The following DENND4C variants were observed in gnomAD, a reference collection of about 807,000 sequenced individuals.
DENND4C encodes the protein DENN domain containing 4C, also known as DENN domain-containing protein 4C.
In DENND4C, 108 loss-of-function variants were observed where a neutral mutation model predicts 203.0. The observed-to-expected ratio is 0.53, with a 90% CI of 0.46 to 0.62. The LOEUF (loss-of-function observed/expected upper bound fraction) is 0.62, where lower values mean the gene tolerates loss of function less well. Ranked by LOEUF, DENND4C falls within the 20% of genes least tolerant of loss-of-function variation. DENND4C has a pLI of 0.00. For missense variants in DENND4C, 2,481 were observed against 2,301.2 expected (o/e 1.08, Z -1.60); for synonymous variants, 871 against 792.4 (o/e 1.10, Z -1.67).
In DENND4C at chr9:19,342,774, G is replaced by A. The variant is rs760221882; in HGVS notation, c.3146G>A (p.Ser1049Asn). 2.9e-5 allele frequency: 47 copies of A among 1,600,318 alleles called. No individual in the cohort carries two copies. The East Asian group carries it at 9.9e-4, about 34-fold the overall frequency. Residue 1049 changes from serine to asparagine, a missense_variant, in exon 22 of 33, where the codon AGC (serine) becomes AAC (asparagine). Ser to Asn is a conservative substitution (Grantham distance 46). This residue lies in a region of DENND4C where 2,289 missense variants were observed against 2,113.3 expected (regional missense o/e 1.08). Transcript: ENST00000434457. ...GIFDVNSRKS[S>N]TGSISNVLFS... ...TTTGATGTCAACAGCAGGAAAAGTA[G>A]CACTGGTGAGTCTTTACATTTTGGT...
intron 2 of DENND4C, among the ~76,000 whole-genome samples, chr9:19,282,260 A>AT (rs1456533901): frequency 1.1e-4 from 16 of 151,274 alleles, no homozygotes; most frequent in Non-Finnish European, 2.2e-4. Flanking sequence ...TTATTCTTTT[A>AT]TTTTTTATTT....
At chr9:19,355,337 T>G (rs1588978184) in intron 26 of DENND4C, among the ~76,000 whole-genome samples, 1 of 152,350 alleles carries the variant, frequency 6.6e-6, no homozygotes, top group African/African-American at 2.4e-5. Flanking sequence ...CAATTTGTGC[T>G]TTTGGAATCT....
chr9:19,274,531 G>A (rs1032401769), intron 1 of DENND4C, among the ~76,000 whole-genome samples: 2 of 152,166 alleles, frequency 1.3e-5, no homozygotes, highest in African/African-American at 4.8e-5. Context: ...CCAACCTCAG[G>A]TGTTGCACCC....
At position 19,361,907 on chromosome 9, in the gene DENND4C, A is replaced by G; in HGVS notation, c.5468A>G (p.Asn1823Ser). The G allele has an allele frequency of 1.2e-6, 2 of 1,612,932 alleles. No individual in the cohort carries two copies. The highest frequency in any genetic ancestry group is 8.5e-7 in the Non-Finnish European group (1 of 1,178,976). The change falls in exon 30 of 33, where the codon AAT (asparagine) becomes AGT (serine). Residue 1823 changes from asparagine to serine, a missense_variant. Asn to Ser is a conservative substitution (Grantham distance 46). This residue lies in a region of DENND4C where 2,289 missense variants were observed against 2,113.3 expected (regional missense o/e 1.08). Transcript: ENST00000434457. Reference protein sequence around the residue: ...KLVYIQLLWDNINLHQEPREP... With the variant: ...KLVYIQLLWDSINLHQEPREP... ...GTGTATATTCAGCTGTTATGGGATA[A>G]TATCAACCTTCATCAGGAACCAAGA...
intron 9 of DENND4C, among the ~76,000 whole-genome samples, chr9:19,303,838 C>G (rs1387936604): frequency 6.6e-6 from 1 of 151,838 alleles, no homozygotes; most frequent in African/African-American, 2.4e-5. Context: ...AATTTTAGTA[C>G]TAGCTAATTA....
chr9:19,295,872 G>T, intron 5 of DENND4C, 136 bp from the exon 6 acceptor site: 2 of 636,792 alleles, frequency 3.1e-6, no homozygotes, highest in Admixed American at 3.2e-5. Context: ...ACAGAAATTT[G>T]GGTGAGATTT....
At chr9:19,304,287 C>G (rs546604099) in intron 9 of DENND4C, among the ~76,000 whole-genome samples, 1 of 150,596 alleles carries the variant, frequency 6.6e-6, no homozygotes, top group Non-Finnish European at 1.5e-5. Flanking sequence ...CGGGTTCAAG[C>G]GATTCTCCTG....
intron 28 of DENND4C, 72 bp from the exon 29 acceptor site, chr9:19,360,172 C>G: frequency 2.8e-6 from 4 of 1,452,446 alleles, no homozygotes; most frequent in Middle Eastern, 1.8e-4. Context: ...GAGGCATTAT[C>G]TCATTGAGAA....
At chr9:19,306,039 A>G (rs1839584961) in intron 10 of DENND4C, among the ~76,000 whole-genome samples, 1 of 152,346 alleles carries the variant, frequency 6.6e-6, no homozygotes, top group African/African-American at 2.4e-5. Context: ...GCTGAAGGTG[A>G]TAATTAAGTA....
intron 30 of DENND4C, among the ~76,000 whole-genome samples, chr9:19,367,885 T>C (rs1279663400): frequency 6.6e-6 from 1 of 152,206 alleles, no homozygotes; most frequent in Non-Finnish European, 1.5e-5. Flanking sequence ...GAGAAACCAG[T>C]TGTGAAGGAG....
chr9:19,294,484 C>G (rs181365479), intron 5 of DENND4C, among the ~76,000 whole-genome samples: 45 of 152,170 alleles, frequency 3.0e-4, no homozygotes, highest in Admixed American at 2.0e-3. Context: ...GGCAGCTCCT[C>G]CAAAAGTTAA....
At chr9:19,360,181 A>G (rs1826168229) in intron 28 of DENND4C, 63 bp from the exon 29 acceptor site, 1 of 1,508,204 alleles carries the variant, frequency 6.6e-7, no homozygotes, top group Admixed American at 1.9e-5. Context: ...TCTCATTGAG[A>G]AGTGCTCTTG....
At position 19,314,404 on chromosome 9, in the gene DENND4C, A is replaced by G. The variant is rs1263186278; in HGVS notation, c.1488-2013A>G. Among the ~76,000 whole-genome samples the G allele has an allele frequency of 2.0e-5, 3 of 152,076 alleles. No homozygotes were observed. In the East Asian group the frequency reaches 5.8e-4, roughly 29 times the overall value. On this transcript the variant is annotated intron_variant, in intron 10 of 32. Coordinates refer to ENST00000434457, the MANE Select transcript of DENND4C (RefSeq NM_001330640.2). ...GGGAGGTGGAGGTTGCAGTGAGCCAAGATCGCACCTCTGCACTCCAGCCTG... is the reference window on the plus strand; with the variant it reads ...GGGAGGTGGAGGTTGCAGTGAGCCAGGATCGCACCTCTGCACTCCAGCCTG...
At chr9:19,296,635 G>T (rs1837531492) in intron 6 of DENND4C, among the ~76,000 whole-genome samples, 1 of 152,188 alleles carries the variant, frequency 6.6e-6, no homozygotes, top group South Asian at 2.1e-4. Context: ...TTACAGGCAT[G>T]AGCCACCAAC....
At chr9:19,290,199 G>A (rs1378558040) in intron 4 of DENND4C, among the ~76,000 whole-genome samples, 1 of 152,160 alleles carries the variant, frequency 6.6e-6, no homozygotes, top group South Asian at 2.1e-4. Context: ...CACATACTCT[G>A]TACTTAGTCA....
At chr9:19,252,316 A>G (rs1333070215) in intron 1 of DENND4C, among the ~76,000 whole-genome samples, 2 of 152,188 alleles carry the variant, frequency 1.3e-5, no homozygotes, top group Admixed American at 6.6e-5. Flanking sequence ...CCTGTGATTC[A>G]ATTACCTCTC....
At chr9:19,286,547 T>C (rs1835255633) in intron 2 of DENND4C, among the ~76,000 whole-genome samples, 1 of 152,214 alleles carries the variant, frequency 6.6e-6, no homozygotes, top group Non-Finnish European at 1.5e-5. Context: ...AATTATGTTT[T>C]GGCTTTTGAA....
intron 30 of DENND4C, among the ~76,000 whole-genome samples, chr9:19,367,153 C>G (rs953817142): frequency 7.9e-5 from 12 of 152,290 alleles, no homozygotes; most frequent in Middle Eastern, 3.4e-3. Context: ...AATAACACTT[C>G]ATACTTACTA....
intron 8 of DENND4C, 44 bp from the exon 9 acceptor site, chr9:19,300,143 C>T (rs1838261905): frequency 1.3e-6 from 2 of 1,526,746 alleles, no homozygotes; most frequent in Non-Finnish European, 1.8e-6. Context: ...CATATTTCAG[C>T]AAAATAGTTC....
Sources: gnomAD v4.1 joint callset for allele counts (sites outside exome capture counted in the v4.1 genomes callset) on GRCh38, gnomAD v4.1.1 for gene constraint, gnomAD v4.1.1 regional missense constraint, MANE v1.5 for transcripts, NCBI Gene and HGNC (gene_info 2026-07-23, HGNC 2026-07-21) for gene names.